Variants in MAX observed in about 807,000 individuals in gnomAD.
MAX encodes protein max.
A neutral mutation model predicts 22.3 loss-of-function variants in MAX; 3 were observed. The ratio of observed to expected loss-of-function variants is 0.13; its 90% CI spans 0.06 to 0.35. MAX has a LOEUF of 0.35. Among genes scored for constraint, MAX ranks in the 10% least tolerant of loss-of-function variants. The pLI, the probability that MAX is intolerant of heterozygous loss-of-function variation, is 1.00. For missense variants in MAX, 119 were observed against 209.4 expected (o/e 0.57, Z 2.66); for synonymous variants, 72 against 77.7 (o/e 0.93, Z 0.39).
Position 65,054,626 on chromosome 14 carries a change from C to G in MAX, c.171+39082G>C. On this transcript the variant is annotated intron_variant, in intron 3 of 3. Coordinates refer to the MAX transcript ENST00000341653. This position sits in a 1 kb window ranked among gnomAD's most constrained non-coding sequence, Gnocchi z 4.4. ...ACTGCCTGAGCGGCCTGTCCATAGC[C>G]CAGCACTTCGGCAGCGGAGCCATGT... 3.1e-6 allele frequency: 5 copies of G among 1,613,862 alleles called. No individual in the cohort carries two copies. The highest frequency in any genetic ancestry group is 1.1e-5 in the South Asian group (1 of 90,982).
chr14:65,089,756 TAAAAAAAAAAAAAAAAAAAAAAA>T (rs55883101), intron 3 of MAX, among the ~76,000 whole-genome samples: 49 of 36,138 alleles, frequency 1.4e-3, no homozygotes, highest in Admixed American at 4.9e-3. Flanking sequence ...AGCATCTCTG[TAAAAAAAAAAAAAAAAAAAAAAA>T]AAAAAAAAAA....
chr14:65,043,975 T>C (rs1305227439), intron 3 of MAX, among the ~76,000 whole-genome samples: 1 of 152,106 alleles, frequency 6.6e-6, no homozygotes, highest in African/African-American at 2.4e-5. Context: ...AAGCCATGTT[T>C]ATTAAGAGAC....
Position 65,069,003 on chromosome 14 carries a change from G to A in MAX, c.171+24705C>T, listed in dbSNP as rs1486946141. Among the ~76,000 whole-genome samples the A allele has an allele frequency of 6.6e-6, 1 of 152,124 alleles. No homozygotes were observed. The highest frequency in any genetic ancestry group is 1.5e-5 in the Non-Finnish European group (1 of 68,026). On this transcript the variant is annotated intron_variant, in intron 3 of 3. Coordinates refer to the MAX transcript ENST00000341653. The surrounding 1 kb of genome is among the most constrained non-coding windows in gnomAD (Gnocchi z 4.6). ...CTGTCAAGGGAGAAGGGCTGCAAGGGTGCTGCTCCCAGGTGTGCTGAACAG... is the reference window on the plus strand; with the variant it reads ...CTGTCAAGGGAGAAGGGCTGCAAGGATGCTGCTCCCAGGTGTGCTGAACAG...
At position 65,011,204 on chromosome 14, in the gene MAX, G is replaced by T. The variant is rs1474735040; in HGVS notation, c.172-4920C>A. ...AGCATTTTGGGAGGCCAAGGCAGGG[G>T]ATTACCTGAGGTCAGGAGTTCAAGA... On this transcript the variant is annotated intron_variant, in intron 3 of 3. Transcript: ENST00000341653. This position sits in a 1 kb window ranked among gnomAD's most constrained non-coding sequence, Gnocchi z 4.0. Among the ~76,000 whole-genome samples, 1 of 152,190 alleles carries T rather than the reference G, an allele frequency of 6.6e-6. No homozygotes were observed. The highest frequency in any genetic ancestry group is 1.5e-5 in the Non-Finnish European group (1 of 68,032).
intron 3 of MAX, among the ~76,000 whole-genome samples, chr14:65,026,053 T>C (rs770033840): frequency 6.6e-6 from 1 of 152,240 alleles, no homozygotes; most frequent in Non-Finnish European, 1.5e-5. Flanking sequence ...TATAAACTTG[T>C]GTCTTCTTGG....
In MAX at chr14:65,028,804, G is replaced by A. The variant is rs1566554235; in HGVS notation, c.172-22520C>T. ...TGTGTTGATTCTTCTTAAGGAAAAT[G>A]TTAAAAGAGTTTTTTTCCCTCGTGT... On this transcript the variant is annotated intron_variant, in intron 3 of 3. Coordinates refer to the MAX transcript ENST00000341653. This position sits in a 1 kb window ranked among gnomAD's most constrained non-coding sequence, Gnocchi z 4.4. 6.6e-6 allele frequency among the ~76,000 whole-genome samples: 1 copy of A among 152,180 alleles called. No homozygotes were observed. The highest frequency in any genetic ancestry group is 2.1e-4 in the South Asian group (1 of 4,828).
At position 65,029,399 on chromosome 14, in the gene MAX, G is replaced by A. The variant is rs959426468; in HGVS notation, c.172-23115C>T. 6.6e-6 allele frequency among the ~76,000 whole-genome samples: 1 copy of A among 152,216 alleles called. No homozygotes were observed. Among genetic ancestry groups the A allele is most frequent in the South Asian group, 2.1e-4 (1 of 4,832 alleles). ...GGGAGAGTTTGACATCTGGAGACTA[G>A]CTCGCTGCCCTTCTGGGATAGACAG... is the stretch of plus-strand genomic sequence containing the variant. On this transcript the variant is annotated intron_variant, in intron 3 of 3. Transcript: ENST00000341653. The surrounding 1 kb of genome is among the most constrained non-coding windows in gnomAD (Gnocchi z 4.7).
chr14:65,044,261 ATT>A lies in MAX; in HGVS notation c.172-37979_172-37978del, dbSNP rs746211414. The stretch of plus-strand genomic sequence containing the variant: ...ACTCCTGGAGATTCTGTCGGGCTGG[ATT>A]TTGTCTCTTTTAGCCTACAACTGCC... On this transcript the variant is annotated intron_variant, in intron 3 of 3. Coordinates refer to the MAX transcript ENST00000341653. The surrounding 1 kb of genome is among the most constrained non-coding windows in gnomAD (Gnocchi z 5.5). 15 of 1,606,568 alleles carry A rather than the reference ATT, an allele frequency of 9.3e-6. No homozygotes were observed. In the South Asian group the frequency reaches 1.4e-4, roughly 16 times the overall value.
intron 3 of MAX, chr14:65,016,636 G>A (rs1287339495): frequency 6.6e-6 from 1 of 152,338 alleles, no homozygotes; most frequent in Non-Finnish European, 1.5e-5. Context: ...TGTCAGGTCA[G>A]AGGAACAGAA....
chr14:65,040,983 A>G, intron 3 of MAX: 2 of 1,588,076 alleles, frequency 1.3e-6, no homozygotes, highest in Non-Finnish European at 1.7e-6. Flanking sequence ...TTGTACTCAG[A>G]CATGCAGGCT....
At chr14:65,068,593 C>A (rs554586158) in intron 3 of MAX, among the ~76,000 whole-genome samples, 14 of 152,090 alleles carry the variant, frequency 9.2e-5, no homozygotes, top group Middle Eastern at 3.4e-3. Context: ...TATTATGTTC[C>A]AATGCTACAT....
At chr14:65,086,645 G>A (rs2063341110) in intron 3 of MAX, among the ~76,000 whole-genome samples, 1 of 152,202 alleles carries the variant, frequency 6.6e-6, no homozygotes, top group South Asian at 2.1e-4. Context: ...AAGCAGCAAA[G>A]CATTCAAGAG....
chr14:65,054,716 C>T lies in MAX; in HGVS notation c.171+38992G>A, dbSNP rs907075885. The T allele has an allele frequency of 2.5e-6, 4 of 1,583,820 alleles. No homozygotes were observed. In the African/African-American group the frequency reaches 4.1e-5, roughly 16 times the overall value. On this transcript the variant is annotated intron_variant, in intron 3 of 3. Transcript: ENST00000341653. The surrounding 1 kb of genome is among the most constrained non-coding windows in gnomAD (Gnocchi z 4.4). ...TAAGACGGGTGCAGGGCTTCACACC[C>T]CTTCTCCACAGGGACCTCGCGGACA...
chr14:65,051,895 C>A (rs143210184), intron 3 of MAX, among the ~76,000 whole-genome samples: 2 of 151,112 alleles, frequency 1.3e-5, no homozygotes, highest in Non-Finnish European at 2.9e-5. Flanking sequence ...CCTGGGTTCA[C>A]GCCATTCTCC....
chr14:65,032,740 G>T lies in MAX; in HGVS notation c.172-26456C>A. On this transcript the variant is annotated intron_variant, in intron 3 of 3. Transcript: ENST00000341653. This position sits in a 1 kb window ranked among gnomAD's most constrained non-coding sequence, Gnocchi z 5.0. ...TCTCCTGGCCTCTTGGAGAGCAGGC[G>T]GTCACGACACTACTTCAGAAAAATA... 6.3e-7 allele frequency: 1 copy of T among 1,584,854 alleles called. No homozygotes were observed. Among genetic ancestry groups the T allele is most frequent in the Non-Finnish European group, 8.6e-7 (1 of 1,164,776 alleles).
At chr14:65,049,082 G>C (rs965392035) in intron 3 of MAX, among the ~76,000 whole-genome samples, 3 of 151,084 alleles carry the variant, frequency 2.0e-5, no homozygotes, top group African/African-American at 7.3e-5. Flanking sequence ...AGCTGAGATC[G>C]CGCCGTTGCA....
rs1459991745 is a variant in MAX at position 65,028,683 on chromosome 14, T to G, written c.172-22399A>C. Among the ~76,000 whole-genome samples, 1 of 152,196 alleles carries G rather than the reference T, an allele frequency of 6.6e-6. No individual in the cohort carries two copies. ...CTGCAAAGGCCTTTAGTTCAAGATGTTCTTCTATCTCTAACTTGTCTAATC... is the reference window on the plus strand; with the variant it reads ...CTGCAAAGGCCTTTAGTTCAAGATGGTCTTCTATCTCTAACTTGTCTAATC... On this transcript the variant is annotated intron_variant, in intron 3 of 3. Coordinates refer to the MAX transcript ENST00000341653. This position sits in a 1 kb window ranked among gnomAD's most constrained non-coding sequence, Gnocchi z 4.4.
intron 2 of MAX, among the ~76,000 whole-genome samples, chr14:65,099,535 A>AC (rs1555344131): frequency 1.3e-5 from 2 of 150,474 alleles, no homozygotes; most frequent in East Asian, 3.9e-4. Context: ...TTTCACCAAA[A>AC]AAACAAACAA....
At chr14:65,048,449 G>A (rs1259215459) in intron 3 of MAX, among the ~76,000 whole-genome samples, 3 of 152,288 alleles carry the variant, frequency 2.0e-5, no homozygotes, top group East Asian at 1.9e-4. Context: ...AGTGCAGCAC[G>A]TGGGTCTAGG....
Sources: gnomAD v4.1 joint callset for allele counts (sites outside exome capture counted in the v4.1 genomes callset) on GRCh38, gnomAD v4.1.1 for gene constraint, Gnocchi (gnomAD v3.1) non-coding constraint, MANE v1.5 for transcripts, NCBI Gene and HGNC (gene_info 2026-07-23, HGNC 2026-07-21) for gene names.